Variants in LDLRAD4 observed in about 807,000 individuals in gnomAD.
LDLRAD4 encodes low density lipoprotein receptor class A domain containing 4, also known as low-density lipoprotein receptor class A domain-containing protein 4.
LDLRAD4 carries 5 observed loss-of-function variants against 17.0 expected under a neutral mutation model. The ratio of observed to expected loss-of-function variants is 0.29; its 90% confidence interval spans 0.15 to 0.62. The LOEUF is 0.62. Ranked by LOEUF, LDLRAD4 falls within the 20% of genes least tolerant of loss-of-function variation. The pLI, the probability that LDLRAD4 is intolerant of heterozygous loss-of-function variation, is 0.84. For missense variants in LDLRAD4, 340 were observed against 424.7 expected, an observed-to-expected ratio of 0.80 and a Z score of 1.75; for synonymous variants, 168 against 171.8, an observed-to-expected ratio of 0.98 and a Z score of 0.17.
At chr18:13,558,617 T>A (rs1359856496) in intron 3 of LDLRAD4, among the ~76,000 whole-genome samples, 1 of 152,250 alleles carries the variant, frequency 6.6e-6, no homozygotes, top group Admixed American at 6.5e-5. Context: ...CAGTCGTAAA[T>A]GTTTATCAGC....
intron 3 of LDLRAD4, chr18:13,561,890 T>C (rs2094545200): frequency 6.6e-6 from 1 of 152,254 alleles, no homozygotes; most frequent in African/African-American, 2.4e-5. Context: ...CACTGTTTTC[T>C]TTATATTAGA....
At chr18:13,390,991 C>T (rs1045384929) in intron 2 of LDLRAD4, among the ~76,000 whole-genome samples, 1 of 152,232 alleles carries the variant, frequency 6.6e-6, no homozygotes, top group Non-Finnish European at 1.5e-5. Context: ...TCTGCCTGCC[C>T]AGGCAGCTGG....
intron 1 of LDLRAD4, among the ~76,000 whole-genome samples, chr18:13,352,133 T>C (rs572863154): frequency 1.4e-4 from 22 of 152,306 alleles, no homozygotes; most frequent in Admixed American, 2.6e-4. Flanking sequence ...AAGAACTATT[T>C]ATGACAGACC....
At chr18:13,611,169 T>C (rs2039518661) in intron 3 of LDLRAD4, 1 of 154,402 alleles carries the variant, frequency 6.5e-6, no homozygotes, top group Admixed American at 6.5e-5. Flanking sequence ...CGTGCTGGGC[T>C]GACAGCAGGG....
At chr18:13,416,578 T>G (rs753346215) in intron 2 of LDLRAD4, among the ~76,000 whole-genome samples, 9 of 152,234 alleles carry the variant, frequency 5.9e-5, no homozygotes, top group Non-Finnish European at 8.8e-5. Flanking sequence ...GCTCTGTGTC[T>G]ACTTCTGACA....
intron 1 of LDLRAD4, among the ~76,000 whole-genome samples, chr18:13,262,120 A>G (rs9748243): frequency 0.16 from 5,947 of 36,420 alleles, 436 homozygotes; most frequent in African/African-American, 0.36. Context: ...AGTCCCGTGC[A>G]GCTCTGTGCG....
At position 13,263,749 on chromosome 18, in the gene LDLRAD4, C is replaced by T. The variant is rs145239869; in HGVS notation, c.-466-14356C>T. On this transcript the variant is annotated intron_variant, in intron 1 of 5. Coordinates refer to the LDLRAD4 transcript ENST00000399848. The stretch of plus-strand genomic sequence containing the variant: ...TCAATCATGTTCCGAGCTTGAGACA[C>T]AGCTGGCTGATTTTAAGTGTATGTT... Among the ~76,000 whole-genome samples the T allele has an allele frequency of 1.4e-4, 22 of 152,328 alleles. No individual in the cohort carries two copies. In the East Asian group the frequency reaches 2.7e-3, roughly 19 times the overall value.
rs1568098503 is a variant in LDLRAD4 at position 13,398,130 on chromosome 18, G to A, written c.40+10368G>A. On this transcript the variant is annotated intron_variant, in intron 2 of 5. Coordinates refer to ENST00000359446, the Ensembl canonical transcript of LDLRAD4. This position sits in a 1 kb window ranked among gnomAD's most constrained non-coding sequence, Gnocchi z 4.8. ...GGCTGTCTCAGATCCTCCCACTGTG[G>A]CGTTTCCTTCAGAACCGAGTTGGGG... Among the ~76,000 whole-genome samples, 7 of 152,194 alleles carry A rather than the reference G, an allele frequency of 4.6e-5. No homozygotes were observed. The South Asian group carries it at 1.4e-3, about 32-fold the overall frequency.
At chr18:13,617,989 C>G (rs766796856) in intron 3 of LDLRAD4, among the ~76,000 whole-genome samples, 2 of 152,154 alleles carry the variant, frequency 1.3e-5, no homozygotes, top group Non-Finnish European at 2.9e-5. Flanking sequence ...GTCTTTCCTA[C>G]AAGTATACTG....
At chr18:13,570,609 G>T (rs2094676613) in intron 3 of LDLRAD4, among the ~76,000 whole-genome samples, 1 of 152,212 alleles carries the variant, frequency 6.6e-6, no homozygotes, top group South Asian at 2.1e-4. Context: ...GAAAGGGCAT[G>T]CTCTTGATTT....
chr18:13,224,153 G>T (rs1267489070), intron 1 of LDLRAD4, among the ~76,000 whole-genome samples: 3 of 152,194 alleles, frequency 2.0e-5, no homozygotes, highest in Non-Finnish European at 2.9e-5. Context: ...AAGAGCCTCA[G>T]TTATGAGCAC....
At chr18:13,443,996 G>A (rs982463304) in intron 3 of LDLRAD4, among the ~76,000 whole-genome samples, 1 of 152,190 alleles carries the variant, frequency 6.6e-6, no homozygotes, top group Admixed American at 6.5e-5. Context: ...GGCATTTGGG[G>A]TTGCAAAACA....
In LDLRAD4 at chr18:13,484,350, G is replaced by C. The variant is rs1033118248; in HGVS notation, c.181+45966G>C. 2.6e-5 allele frequency among the ~76,000 whole-genome samples: 4 copies of C among 152,354 alleles called. 1 individual carries two copies. The highest frequency in any genetic ancestry group is 2.6e-4 in the Admixed American group (4 of 15,308). ...AAATGTTAAAATACTTTCTAGGCTG[G>C]GTGCAGTGGCTTGCGCCTGAGGCAG... On this transcript the variant is annotated intron_variant, in intron 3 of 5. Coordinates refer to ENST00000359446, the Ensembl canonical transcript of LDLRAD4.
chr18:13,426,545 C>T (rs2089953512), intron 2 of LDLRAD4, among the ~76,000 whole-genome samples: 1 of 152,136 alleles, frequency 6.6e-6, no homozygotes, highest in South Asian at 2.1e-4. Flanking sequence ...TGCTGAGAAC[C>T]CAACAGCCCC....
At chr18:13,305,467 G>A (rs997812989) in intron 1 of LDLRAD4, among the ~76,000 whole-genome samples, 1 of 152,180 alleles carries the variant, frequency 6.6e-6, no homozygotes, top group Non-Finnish European at 1.5e-5. Context: ...CTTCTCAACA[G>A]TAAATTTCAT....
At chr18:13,380,797 A>C (rs766700105) in intron 1 of LDLRAD4, among the ~76,000 whole-genome samples, 1 of 152,198 alleles carries the variant, frequency 6.6e-6, no homozygotes, top group Non-Finnish European at 1.5e-5. Context: ...ACCTACAGCA[A>C]GGCACTACGC....
At chr18:13,354,791 G>A (rs1010428572) in intron 1 of LDLRAD4, among the ~76,000 whole-genome samples, 5 of 152,250 alleles carry the variant, frequency 3.3e-5, no homozygotes, top group South Asian at 2.1e-4. Flanking sequence ...CAGTTTGGTC[G>A]GCACTGAGGG....
chr18:13,297,117 G>GT (rs552537975), intron 1 of LDLRAD4, among the ~76,000 whole-genome samples: 42 of 152,294 alleles, frequency 2.8e-4, no homozygotes, highest in African/African-American at 8.7e-4. Flanking sequence ...CTGGGTACTT[G>GT]TTTTTTATTT....
chr18:13,377,244 A>G (rs2084985173), intron 1 of LDLRAD4, among the ~76,000 whole-genome samples: 1 of 152,228 alleles, frequency 6.6e-6, no homozygotes, highest in Non-Finnish European at 1.5e-5. Flanking sequence ...TCTGTCCTTC[A>G]GACATCGGCT....
Sources: gnomAD v4.1 joint callset for allele counts (sites outside exome capture counted in the v4.1 genomes callset) on GRCh38, gnomAD v4.1.1 for gene constraint, Gnocchi (gnomAD v3.1) non-coding constraint, MANE v1.5 for transcripts, NCBI Gene and HGNC (gene_info 2026-07-23, HGNC 2026-07-21) for gene names.